UBE2V2: variants seen among roughly 807,000 people sequenced by gnomAD.
UBE2V2 encodes ubiquitin conjugating enzyme E2 V2, also known as ubiquitin-conjugating enzyme E2 variant 2.
Under a neutral mutation model 17.2 loss-of-function variants are expected in UBE2V2, and 9 were observed. The observed-to-expected ratio is 0.52, with a 90% CI of 0.32 to 0.91. The LOEUF (loss-of-function observed/expected upper bound fraction) is 0.91. Ranked by LOEUF, UBE2V2 falls within the 40% of genes least tolerant of loss-of-function variation. UBE2V2 has a pLI of 0.04. For missense variants in UBE2V2, 133 were observed against 182.6 expected (o/e 0.73, Z 1.56); for synonymous variants, 61 against 57.5 (o/e 1.06, Z -0.28).
the UBE2V2 span, among the ~76,000 whole-genome samples, chr8:47,998,312 G>C: frequency 6.6e-6 from 1 of 151,992 alleles, no homozygotes; most frequent in Non-Finnish European, 1.5e-5. Context: ...AATGGAAGTA[G>C]GGGCGCACGT....
chr8:48,037,572 C>G (rs554396416), intron 1 of UBE2V2, among the ~76,000 whole-genome samples: 1 of 151,930 alleles, frequency 6.6e-6, no homozygotes, highest in East Asian at 1.9e-4. Context: ...ATGATGTTAC[C>G]TCCTCCTTCT....
At chr8:48,021,385 T>C (rs1256864210) in intron 1 of UBE2V2, among the ~76,000 whole-genome samples, 4 of 147,412 alleles carry the variant, frequency 2.7e-5, no homozygotes, top group African/African-American at 1.0e-4. Flanking sequence ...TGGCTCACTG[T>C]AAGCTCTGCC....
intron 1 of UBE2V2, among the ~76,000 whole-genome samples, chr8:48,018,397 A>G (rs11782628): frequency 0.47 from 71,532 of 151,946 alleles, 19,937 homozygotes; most frequent in East Asian, 0.71. Flanking sequence ...TTGTTTTTTA[A>G]TATCTTCATT....
At chr8:48,053,386 A>T (rs1191807994) in intron 3 of UBE2V2, among the ~76,000 whole-genome samples, 1 of 151,526 alleles carries the variant, frequency 6.6e-6, no homozygotes, top group African/African-American at 2.4e-5. Flanking sequence ...GCTTTGTCAA[A>T]TGTTAACATT....
At chr8:48,057,966 G>C (rs982146072) in intron 3 of UBE2V2, among the ~76,000 whole-genome samples, 1 of 151,872 alleles carries the variant, frequency 6.6e-6, no homozygotes, top group East Asian at 1.9e-4. Context: ...TTCTAATCAG[G>C]GTGCCTTTTA....
At chr8:48,049,677 G>A in intron 2 of UBE2V2, 176 bp from the exon 3 acceptor site, 2 of 451,646 alleles carry the variant, frequency 4.4e-6, no homozygotes, top group Non-Finnish European at 7.5e-6. Context: ...TATGCTTATT[G>A]CATTTTTTCT....
rs1291837177 is a variant in UBE2V2, at chr8:48,031,234, A to C, written c.17-11799A>C. ...AAAACAAACAAACAAACCCCCCCCA[A>C]CAACAACAACAAAAAAACAACTTAG... On this transcript the variant is annotated intron_variant, in intron 1 of 3. Coordinates refer to ENST00000523111, the MANE Select transcript of UBE2V2 (RefSeq NM_003350.3). Among the ~76,000 whole-genome samples the C allele has an allele frequency of 3.3e-5, 5 of 150,908 alleles. No homozygotes were observed. In the East Asian group the frequency reaches 5.9e-4, roughly 18 times the overall value.
intron 1 of UBE2V2, among the ~76,000 whole-genome samples, chr8:48,009,598 A>G (rs2091214209): frequency 6.6e-6 from 1 of 152,030 alleles, no homozygotes; most frequent in Non-Finnish European, 1.5e-5. Context: ...CGTTGAAACA[A>G]GAGTATAGAG....
intron 1 of UBE2V2, among the ~76,000 whole-genome samples, chr8:48,035,998 T>C (rs942860921): frequency 2.0e-5 from 3 of 147,526 alleles, no homozygotes; most frequent in African/African-American, 7.5e-5. Context: ...TCACCCAGGC[T>C]AGAGTGTGGT....
chr8:48,041,055 A>AGGGT (rs2091460524), intron 1 of UBE2V2, among the ~76,000 whole-genome samples: 1 of 150,936 alleles, frequency 6.6e-6, no homozygotes, highest in Non-Finnish European at 1.5e-5. Context: ...TACTAGAGAC[A>AGGGT]GGGTTTCACC....
chr8:48,036,409 A>G (rs552391228), intron 1 of UBE2V2, among the ~76,000 whole-genome samples: 2 of 151,576 alleles, frequency 1.3e-5, no homozygotes, highest in African/African-American at 2.4e-5. Context: ...TTAATTTGGT[A>G]TAGAGTATAA....
At chr8:48,035,668 T>C (rs1311043180) in intron 1 of UBE2V2, among the ~76,000 whole-genome samples, 2 of 142,060 alleles carry the variant, frequency 1.4e-5, no homozygotes, top group Non-Finnish European at 3.1e-5. Flanking sequence ...TGTATATGTA[T>C]GTATGCTTTT....
At chr8:48,040,192 C>G (rs928697777) in intron 1 of UBE2V2, among the ~76,000 whole-genome samples, 70 of 152,098 alleles carry the variant, frequency 4.6e-4, no homozygotes, top group African/African-American at 1.6e-3. Context: ...CTCTTCCCCC[C>G]TCCCTTCACA....
intron 1 of UBE2V2, among the ~76,000 whole-genome samples, chr8:48,027,017 C>G (rs1403587441): frequency 6.6e-6 from 1 of 152,166 alleles, no homozygotes; most frequent in Non-Finnish European, 1.5e-5. Context: ...CGGAGTCTCG[C>G]TCTGTTGCCC....
chr8:48,028,441 C>G (rs768148710), intron 1 of UBE2V2, among the ~76,000 whole-genome samples: 13 of 151,444 alleles, frequency 8.6e-5, no homozygotes, highest in Non-Finnish European at 1.6e-4. Context: ...TGAGTTCAAG[C>G]AATTCTCCTG....
rs1802631504 is a variant in UBE2V2, at chr8:48,064,140, A to G, written c.*3312A>G. ...ATAAGTACTGATGATAAAGTCTAGT[A>G]TGCATAATAGGATTTTGGAGGCATT... On this transcript the variant is annotated 3_prime_UTR_variant, in exon 4 of 4. Transcript: ENST00000523111. The G allele has an allele frequency of 6.6e-6, 1 of 152,208 alleles. No homozygotes were observed. The highest frequency in any genetic ancestry group is 2.4e-5 in the African/African-American group (1 of 41,458). The allele number at this position is 152,208 out of a possible 1,614,324, so 9.4% of individuals were successfully genotyped here. A position where few individuals can be genotyped will look rare whatever the true frequency, so the allele number is the denominator to read the frequency against.
the UBE2V2 span, among the ~76,000 whole-genome samples, chr8:48,001,860 C>T: frequency 2.0e-5 from 3 of 152,068 alleles, no homozygotes; most frequent in African/African-American, 7.2e-5. Context: ...GAGTCCAAGG[C>T]GGGTGGATCA....
chr8:48,057,255 C>G (rs1019757651), intron 3 of UBE2V2, among the ~76,000 whole-genome samples: 2 of 152,076 alleles, frequency 1.3e-5, no homozygotes, highest in Non-Finnish European at 2.9e-5. Context: ...ATTTATTTAG[C>G]TCTTTAATTT....
rs1018115651 is a variant in UBE2V2 at position 48,063,554 on chromosome 8, G to C, written c.*2726G>C. The C allele has an allele frequency of 1.3e-5, 2 of 152,140 alleles. No homozygotes were observed. Among genetic ancestry groups the C allele is most frequent in the Non-Finnish European group, 2.9e-5 (2 of 68,014 alleles). 9.4% of individuals were successfully genotyped at this position (152,140 alleles called of 1,614,324 possible). On this transcript the variant is annotated 3_prime_UTR_variant, in exon 4 of 4. Transcript: ENST00000523111. Reference sequence around the variant, plus strand: ...ATTACCAAAAGAAACTTCTTGTCCTGTTAGGTCAGTGTTATGATTTAATGG... The same window carrying C: ...ATTACCAAAAGAAACTTCTTGTCCTCTTAGGTCAGTGTTATGATTTAATGG...
Sources: allele counts gnomAD v4.1 joint callset (sites outside exome capture counted in the v4.1 genomes callset), GRCh38; gene constraint gnomAD v4.1.1; transcripts MANE v1.5; gene names NCBI Gene and HGNC (gene_info 2026-07-23, HGNC 2026-07-21).